SLC15A5: variants seen among roughly 807,000 people sequenced by gnomAD.
The protein encoded by SLC15A5 is Peptide/histidine transporter ENSP00000340402.
SLC15A5 carries 58 observed loss-of-function variants against 56.1 expected under a neutral mutation model. That is an observed-to-expected ratio of 1.03 (90% CI 0.84 to 1.29). SLC15A5 has a LOEUF of 1.29. Ranked by LOEUF, SLC15A5 falls within the 50% of genes most tolerant of loss-of-function variation. SLC15A5 has a pLI of 0.00. For missense variants in SLC15A5, 681 were observed against 672.1 expected (o/e 1.01, Z -0.15); for synonymous variants, 264 against 250.5 (o/e 1.05, Z -0.51).
intron 3 of SLC15A5, among the ~76,000 whole-genome samples, chr12:16,257,395 A>C (rs560962652): frequency 6.6e-6 from 1 of 152,176 alleles, no homozygotes; most frequent in Non-Finnish European, 1.5e-5. Context: ...ACTTTTGTTT[A>C]TGCTTAAGAT....
intron 7 of SLC15A5, among the ~76,000 whole-genome samples, chr12:16,215,220 AAAAAAAAAAC>A (rs1277575210): frequency 3.4e-5 from 5 of 145,404 alleles, no homozygotes; most frequent in Admixed American, 7.0e-5. Context: ...AAAAAAAAAA[AAAAAAAAAAC>A]CAAAGTGAGG....
chr12:16,245,389 G>A (rs1864452202), intron 3 of SLC15A5, among the ~76,000 whole-genome samples: 1 of 152,222 alleles, frequency 6.6e-6, no homozygotes, highest in South Asian at 2.1e-4. Context: ...TAGATTAGTT[G>A]GCTTTTGACT....
chr12:16,200,488 A>G (rs10772904), intron 7 of SLC15A5, among the ~76,000 whole-genome samples: 79,632 of 151,804 alleles, frequency 0.52, 21,310 homozygotes, highest in South Asian at 0.73. Context: ...GTCAAAGAAG[A>G]GATGTAGAGA....
rs1351944881 is a variant in SLC15A5, at chr12:16,277,546, A to G, written c.140T>C (p.Leu47Pro). 6.5e-7 allele frequency: 1 copy of G among 1,536,636 alleles called. No homozygotes were observed. The highest frequency in any genetic ancestry group is 1.4e-5 in the African/African-American group (1 of 73,118). The change falls in exon 1 of 9, where the codon CTT becomes CCT. Residue 47 changes from leucine (L) to proline (P), a missense_variant. Coordinates refer to ENST00000344941, the MANE Select transcript of SLC15A5 (RefSeq NM_001170798.1). ...GAACCTCTCACACAGCTCCACCAGA[A>G]GCAAGCAGATTCCAACCTGAATTTT... ...VKKIQVGICL[L>P]LVELCERFTF... is the part of the protein sequence containing the mutation.
chr12:16,225,093 T>C (rs1864228118), intron 5 of SLC15A5, among the ~76,000 whole-genome samples: 2 of 152,182 alleles, frequency 1.3e-5, no homozygotes, highest in Non-Finnish European at 2.9e-5. Context: ...TTCCATGGTG[T>C]ATATGTGCCA....
chr12:16,256,913 A>AATAGATAGATAGATAG (rs55965104), intron 3 of SLC15A5, among the ~76,000 whole-genome samples: 2,166 of 148,566 alleles, frequency 0.015, 18 homozygotes, highest in African/African-American at 0.029. Context: ...ATGCATGGGG[A>AATAGATAGATAGATAG]ATAGATAGAT....
chr12:16,230,143 C>T (rs533544287), intron 5 of SLC15A5, among the ~76,000 whole-genome samples: 3 of 152,200 alleles, frequency 2.0e-5, no homozygotes, highest in Admixed American at 2.0e-4. Flanking sequence ...AAAAGTTATC[C>T]TCTAAAGGAA....
chr12:16,277,501 C>G lies in SLC15A5; in HGVS notation c.185G>C (p.Cys62Ser), dbSNP rs566388836. Reference protein sequence around the residue: ...CERFTFFEVVCNMIPFCTIKL... With the variant: ...CERFTFFEVVSNMIPFCTIKL... ...GATAGTGCAAAAGGGGATCATGTTG[C>G]AGACGACTTCAAAGAACGTGAACCT... Residue 62 changes from cysteine to serine, a missense_variant, in exon 1 of 9, where the codon TGC becomes TCC. Transcript: ENST00000344941. The G allele has an allele frequency of 1.3e-6, 2 of 1,536,484 alleles. No individual in the cohort carries two copies. The highest frequency in any genetic ancestry group is 1.7e-6 in the Non-Finnish European group (2 of 1,146,414).
At chr12:16,227,605 A>G (rs1864255215) in intron 5 of SLC15A5, among the ~76,000 whole-genome samples, 1 of 152,196 alleles carries the variant, frequency 6.6e-6, no homozygotes, top group Admixed American at 6.6e-5. Flanking sequence ...AAAGCATCAG[A>G]CAGATTTTCA....
intron 7 of SLC15A5, among the ~76,000 whole-genome samples, chr12:16,202,568 A>G (rs1863968322): frequency 6.6e-6 from 1 of 152,172 alleles, no homozygotes; most frequent in African/African-American, 2.4e-5. Flanking sequence ...GCATTACCAT[A>G]GCATTACCAC....
intron 2 of SLC15A5, 144 bp from the exon 3 acceptor site, chr12:16,258,014 A>G (rs886525925): frequency 8.1e-6 from 5 of 620,124 alleles, no homozygotes; most frequent in Non-Finnish European, 1.2e-5. Context: ...TGTTTATCAG[A>G]TTTCTTAAGT....
intron 7 of SLC15A5, among the ~76,000 whole-genome samples, chr12:16,199,142 G>A (rs1671521): frequency 1 from 151,270 of 151,900 alleles, 75,325 homozygotes; most frequent in Middle Eastern, 1. Flanking sequence ...TGTCACCACA[G>A]CCCTTTGTTA....
intron 1 of SLC15A5, among the ~76,000 whole-genome samples, chr12:16,274,369 C>T (rs1376168618): frequency 1.3e-5 from 2 of 151,930 alleles, no homozygotes; most frequent in Non-Finnish European, 2.9e-5. Flanking sequence ...AAAAATGGCT[C>T]CTCCATGTTC....
chr12:16,237,958 T>C lies in SLC15A5; in HGVS notation c.1162+1723A>G, dbSNP rs1390465238. On this transcript the variant is annotated intron_variant, in intron 5 of 8. Coordinates refer to ENST00000344941, the MANE Select transcript of SLC15A5 (RefSeq NM_001170798.1). This position sits in a 1 kb window ranked among gnomAD's most constrained non-coding sequence, Gnocchi z 4.1. ...TAATCCTGGACATTCACCAAATATG[T>C]GCTGGCTTTTGGATTTCTACATTGG... Among the ~76,000 whole-genome samples the C allele has an allele frequency of 2.0e-5, 3 of 152,190 alleles. No homozygotes were observed. The highest frequency in any genetic ancestry group is 7.2e-5 in the African/African-American group (3 of 41,458).
intron 2 of SLC15A5, among the ~76,000 whole-genome samples, chr12:16,270,896 A>G (rs941650003): frequency 7.9e-5 from 12 of 152,212 alleles, no homozygotes; most frequent in African/African-American, 2.7e-4. Flanking sequence ...AAAAATAAAA[A>G]AAGGCAAGAC....
rs960093740 is a variant in SLC15A5 at position 16,269,830 on chromosome 12, A to C, written c.584+2731T>G. ...GGTGAAGAAAGTAGAGAAATGCAGA[A>C]GCAAGATTTGAGGTTAATTGTGGTA... On this transcript the variant is annotated intron_variant, in intron 2 of 8. Transcript: ENST00000344941. The surrounding 1 kb of genome is among the most constrained non-coding windows in gnomAD (Gnocchi z 4.7). 9.9e-5 allele frequency among the ~76,000 whole-genome samples: 15 copies of C among 152,224 alleles called. No homozygotes were observed. The highest frequency in any genetic ancestry group is 1.6e-4 in the Non-Finnish European group (11 of 68,046).
rs531619380 is a variant in SLC15A5, at chr12:16,253,280, A to C, written c.754+4421T>G. Among the ~76,000 whole-genome samples, 174 of 152,238 alleles carry C rather than the reference A, an allele frequency of 1.1e-3. 1 individual carries two copies. The highest frequency in any genetic ancestry group is 4.1e-3 in the African/African-American group (172 of 41,550). The stretch of plus-strand genomic sequence containing the variant: ...CAACAAAAAAATTAAAAATAGACAA[A>C]TGGGATGACATCAAACATGAAAACG... On this transcript the variant is annotated intron_variant, in intron 3 of 8. Transcript: ENST00000344941.
chr12:16,264,211 C>T (rs1864670842), intron 2 of SLC15A5, among the ~76,000 whole-genome samples: 1 of 152,220 alleles, frequency 6.6e-6, no homozygotes, highest in Non-Finnish European at 1.5e-5. Context: ...GGGAACCCAC[C>T]TCTTGCATTA....
chr12:16,240,253 A>G (rs1478653698), intron 4 of SLC15A5, among the ~76,000 whole-genome samples: 1 of 152,206 alleles, frequency 6.6e-6, no homozygotes, highest in African/African-American at 2.4e-5. Flanking sequence ...AAAATACTAA[A>G]GACGTCTGTT....
Sources: allele counts gnomAD v4.1 joint callset (sites outside exome capture counted in the v4.1 genomes callset), GRCh38; gene constraint gnomAD v4.1.1; non-coding constraint Gnocchi (gnomAD v3.1); transcripts MANE v1.5; gene names NCBI Gene and HGNC (gene_info 2026-07-23, HGNC 2026-07-21).